CHD4: variants seen among roughly 807,000 people sequenced by gnomAD.
The protein encoded by CHD4 is chromodomain helicase DNA binding protein 4, also known as ATP-dependent chromatin remodeler CHD4.
In CHD4, 35 loss-of-function variants were observed where a neutral mutation model predicts 235.5. The observed-to-expected ratio is 0.15, with a 90% CI of 0.11 to 0.20. The LOEUF (loss-of-function observed/expected upper bound fraction) is 0.20, where lower values mean the gene tolerates loss of function less well. Ranked by LOEUF, CHD4 falls within the 10% of genes least tolerant of loss-of-function variation. The probability of loss-of-function intolerance (pLI) is 1.00; values close to 1 mark genes in which losing one functional copy is unlikely to be tolerated. For synonymous variants in CHD4, 900 were observed against 850.2 expected, an observed-to-expected ratio of 1.06 and a Z score of -1.02; for missense variants, 1,329 against 2,432.3, an observed-to-expected ratio of 0.55 and a Z score of 9.54.
chr12:6,581,269 A>G, intron 32 of CHD4, 22 bp downstream of exon 32: 1 of 1,613,908 alleles, frequency 6.2e-7, no homozygotes, highest in Non-Finnish European at 8.5e-7. Context: ...TTAGTATGGC[A>G]TTCAGTCACC....
rs367953962 is a variant in CHD4 at position 6,587,610 on chromosome 12, G to A, written c.3704-51C>T. 140 of 1,609,516 alleles carry A rather than the reference G, an allele frequency of 8.7e-5. No individual in the cohort carries two copies. In the Middle Eastern group the frequency reaches 1.2e-3, roughly 13 times the overall value. On this transcript the variant is annotated intron_variant, in intron 24 of 39. Coordinates refer to ENST00000544040, the MANE Select transcript of CHD4 (RefSeq NM_001273.5). Reference sequence around the variant, plus strand: ...CCCAAAGTCAGTTTCAGCAGCTGCAGTGGAAAAAGCAAGTCCCACAAGACC... The same window carrying A: ...CCCAAAGTCAGTTTCAGCAGCTGCAATGGAAAAAGCAAGTCCCACAAGACC...
In CHD4 at chr12:6,599,955, G is replaced by A; in HGVS notation, c.1300C>T (p.Leu434=). 6.2e-7 allele frequency: 1 copy of A among 1,614,154 alleles called. No individual in the cohort carries two copies. The highest frequency in any genetic ancestry group is 8.5e-7 in the Non-Finnish European group (1 of 1,180,026). The change falls in exon 10 of 40, where the codon CTG becomes TTG. Residue 434 remains leucine (L), a synonymous_variant. Transcript: ENST00000544040. ...TCGAGGTCTCCCCCAACCTCTTCCA[G>A]GATCTCCTCACCCTCCGAATTGTCC... ...KEDNSEGEEI[L]EEVGGDLEEE... is the part of the protein sequence containing the mutation.
rs571876753 is a variant in CHD4 at position 6,591,664 on chromosome 12, G to A, written c.3222+30C>T. 3.3e-5 allele frequency: 53 copies of A among 1,614,164 alleles called. 2 individuals are homozygous for A. The South Asian group carries it at 4.5e-4, about 14-fold the overall frequency. On this transcript the variant is annotated intron_variant, in intron 21 of 39. Transcript: ENST00000544040. ...AGGTCACTAAGGGTTGTCTATGACT[G>A]TTCCCTAAAGCTCCCAGTCCACATG...
chr12:6,606,482 C>A (rs907832930), intron 1 of CHD4, 31 bp from the exon 2 acceptor site: 3 of 587,878 alleles, frequency 5.1e-6, no homozygotes, highest in Non-Finnish European at 5.9e-6. Flanking sequence ...AAACACAGAA[C>A]AGTCAGTGAC....
chr12:6,571,303 T>C, intron 38 of CHD4: 1 of 378,196 alleles, frequency 2.6e-6, no homozygotes, highest in Non-Finnish European at 4.8e-6. Context: ...TCGTTTTTTC[T>C]CTTCTCTACC....
Position 6,598,207 on chromosome 12 carries a change from C to T in CHD4, c.1686+15G>A, listed in dbSNP as rs767798713. Reference sequence around the variant, plus strand: ...TCATCGTAGCCCCTACATCTCCAGACTATCCTAAACTTACCTGCAGTTCAG... The same window carrying T: ...TCATCGTAGCCCCTACATCTCCAGATTATCCTAAACTTACCTGCAGTTCAG... On this transcript the variant is annotated intron_variant, in intron 11 of 39. Transcript: ENST00000544040. 30 of 1,608,840 alleles carry T rather than the reference C, an allele frequency of 1.9e-5. No homozygotes were observed. Among genetic ancestry groups the T allele is most frequent in the Non-Finnish European group, 2.2e-5 (26 of 1,176,274 alleles).
At chr12:6,590,381 T>C (rs11833796) in intron 22 of CHD4, among the ~76,000 whole-genome samples, 35,153 of 152,122 alleles carry the variant, frequency 0.23, 5,491 homozygotes, top group African/African-American at 0.45. Context: ...ATGTTAATTT[T>C]CTAGTTTTGA....
intron 25 of CHD4, among the ~76,000 whole-genome samples, chr12:6,585,864 G>A (rs1233792659): frequency 2.6e-5 from 4 of 151,678 alleles, no homozygotes; most frequent in African/African-American, 4.8e-5. Flanking sequence ...TTGGGAGGCC[G>A]AGGCAGGCGG....
chr12:6,582,197 T>C lies in CHD4; in HGVS notation c.4455A>G (p.Glu1485=). 6.2e-7 allele frequency: 1 copy of C among 1,601,824 alleles called. No individual in the cohort carries two copies. The highest frequency in any genetic ancestry group is 8.5e-7 in the Non-Finnish European group (1 of 1,175,408). Residue 1485 remains glutamate (E), a synonymous_variant, in exon 30 of 40, where the codon GAA becomes GAG. Transcript: ENST00000544040. ...TAAGGACATGCTGGCGAGACAGGCC[T>C]TCTCGGGGGACACCATCAGCAAAGG... ...AETFADGVPR[E]GLSRQHVLTR... is the part of the protein sequence containing the mutation.
chr12:6,590,135 T>C (rs1291423826), intron 22 of CHD4: 1 of 152,056 alleles, frequency 6.6e-6, no homozygotes, highest in Non-Finnish European at 1.5e-5. Context: ...GAGGCATAGG[T>C]TGCAATGAGT....
chr12:6,588,596 G>A (rs749279937), intron 22 of CHD4, among the ~76,000 whole-genome samples, 174 bp from the exon 23 acceptor site: 6 of 152,026 alleles, frequency 3.9e-5, no homozygotes, highest in African/African-American at 1.2e-4. Context: ...TGGCCAACAC[G>A]GTGAAACCCT....
intron 38 of CHD4, among the ~76,000 whole-genome samples, chr12:6,572,604 G>T (rs1947994575): frequency 6.6e-6 from 1 of 151,746 alleles, no homozygotes; most frequent in African/African-American, 2.4e-5. Context: ...CAGGCTGATA[G>T]CCTGTGCAAT....
intron 7 of CHD4, 31 bp from the exon 8 acceptor site, chr12:6,600,700 G>A (rs199908026): frequency 7.3e-5 from 118 of 1,611,840 alleles, no homozygotes; most frequent in East Asian, 6.7e-4. Context: ...AAGGTTAGAC[G>A]TTCAAGCCAA....
At position 6,606,381 on chromosome 12, in the gene CHD4, C is replaced by A; in HGVS notation, c.-8G>T. On this transcript the variant is annotated 5_prime_UTR_variant, in exon 2 of 40. Coordinates refer to ENST00000544040, the MANE Select transcript of CHD4 (RefSeq NM_001273.5). The stretch of plus-strand genomic sequence containing the variant: ...GCCCAGGCCCGACGCCATCCCCTTC[C>A]GCTCCCGGCCAGGGAATTGGCCCAG... The A allele has an allele frequency of 6.4e-7, 1 of 1,564,792 alleles. No homozygotes were observed. Among genetic ancestry groups the A allele is most frequent in the Non-Finnish European group, 8.6e-7 (1 of 1,158,164 alleles).
At chr12:6,578,235 C>G (rs1437089127) in intron 35 of CHD4, 98 bp from the exon 36 acceptor site, 2 of 1,347,438 alleles carry the variant, frequency 1.5e-6, no homozygotes, top group African/African-American at 2.9e-5. Flanking sequence ...TCCCCTACCC[C>G]TGGATCCATT....
At chr12:6,600,117 G>A (rs946979140) in intron 9 of CHD4, 100 bp downstream of exon 9, 60 of 1,395,772 alleles carry the variant, frequency 4.3e-5, no homozygotes, top group East Asian at 2.5e-4. Context: ...CTCACAACCC[G>A]CAGCACCAGC....
At chr12:6,584,766 TAG>T (rs1948252050) in intron 25 of CHD4, 1 of 152,238 alleles carries the variant, frequency 6.6e-6, no homozygotes, top group Non-Finnish European at 1.5e-5. Flanking sequence ...ACAGCAGCTA[TAG>T]TCACTAATCA....
At chr12:6,572,932 C>T in intron 38 of CHD4, 142 bp downstream of exon 38, 1 of 781,858 alleles carries the variant, frequency 1.3e-6, no homozygotes, top group East Asian at 2.9e-5. Context: ...ATACTAACCT[C>T]CCAAGGATGG....
chr12:6,594,396 G>C, intron 15 of CHD4, 63 bp downstream of exon 15: 1 of 1,475,868 alleles, frequency 6.8e-7, no homozygotes, highest in Non-Finnish European at 9.2e-7. Flanking sequence ...TCTACTCAGT[G>C]TAAGTTAAGG....
Sources: gnomAD v4.1 joint callset for allele counts (sites outside exome capture counted in the v4.1 genomes callset) on GRCh38, gnomAD v4.1.1 for gene constraint, MANE v1.5 for transcripts, NCBI Gene and HGNC (gene_info 2026-07-23, HGNC 2026-07-21) for gene names.